HTR4: variants seen among roughly 807,000 people sequenced by gnomAD.
HTR4 encodes the protein 5-hydroxytryptamine (serotonin) receptor 4, G protein-coupled.
In HTR4, 16 loss-of-function variants were observed where a neutral mutation model predicts 36.8. The ratio of observed to expected loss-of-function variants is 0.43; its 90% confidence interval spans 0.29 to 0.66. HTR4 has a LOEUF of 0.66. HTR4 is among the 30% of genes least tolerant of loss of function. The pLI is 0.13. For missense variants in HTR4, 438 were observed against 490.9 expected (o/e 0.89, Z 1.02); for synonymous variants, 189 against 185.1 (o/e 1.02, Z -0.17).
chr5:148,529,726 T>C lies in HTR4; in HGVS notation c.354-6380A>G, dbSNP rs1238651393. Among the ~76,000 whole-genome samples, 3 of 152,094 alleles carry C rather than the reference T, an allele frequency of 2.0e-5. No homozygotes were observed. The East Asian group carries it at 5.8e-4, about 29-fold the overall frequency. ...GAGTAACAGGCAGAGGTTGGAATAGTATGGAGGACTCAGAAGAAGACAGGA... is the reference window on the plus strand; with the variant it reads ...GAGTAACAGGCAGAGGTTGGAATAGCATGGAGGACTCAGAAGAAGACAGGA... On this transcript the variant is annotated intron_variant, in intron 4 of 6. Transcript: ENST00000377888.
intron 6 of HTR4, among the ~76,000 whole-genome samples, chr5:148,504,427 G>T (rs1386950734): frequency 1.3e-5 from 2 of 152,178 alleles, no homozygotes; most frequent in East Asian, 3.8e-4. Flanking sequence ...CAGAAATAAA[G>T]ATATTCTTTG....
intron 2 of HTR4, among the ~76,000 whole-genome samples, chr5:148,563,704 G>T (rs919054515): frequency 6.6e-6 from 1 of 152,092 alleles, no homozygotes; most frequent in African/African-American, 2.4e-5. Context: ...TCATTATTAC[G>T]TAAACAATAG....
At chr5:148,560,609 T>C (rs1368466858) in intron 2 of HTR4, among the ~76,000 whole-genome samples, 2 of 152,212 alleles carry the variant, frequency 1.3e-5, no homozygotes, top group Non-Finnish European at 2.9e-5. Context: ...ACTGAACACC[T>C]ACCATATGGC....
At chr5:148,461,881 A>G (rs1026415000) in intron 5 of HTR4, 39 of 152,208 alleles carry the variant, frequency 2.6e-4, no homozygotes, top group African/African-American at 8.9e-4. Context: ...ACCTTAACAA[A>G]TGTAAAAGAA....
intron 1 of HTR4, among the ~76,000 whole-genome samples, chr5:148,649,700 T>A (rs1159022248): frequency 4.6e-5 from 7 of 151,818 alleles, no homozygotes; most frequent in Admixed American, 3.9e-4. Flanking sequence ...TTTCTGAAAC[T>A]CAAAATAAGA....
intron 2 of HTR4, among the ~76,000 whole-genome samples, chr5:148,562,113 T>C (rs1372272412): frequency 6.6e-6 from 1 of 152,244 alleles, no homozygotes; most frequent in Non-Finnish European, 1.5e-5. Context: ...GAATCCAGCC[T>C]GCTGTCTGTT....
chr5:148,645,960 T>A (rs1430503139), intron 1 of HTR4: 1 of 152,248 alleles, frequency 6.6e-6, no homozygotes, highest in Non-Finnish European at 1.5e-5. Context: ...AGGTCTGGAA[T>A]TGGGAGCAGG....
intron 1 of HTR4, among the ~76,000 whole-genome samples, chr5:148,639,990 A>T (rs995180294): frequency 6.6e-6 from 1 of 151,964 alleles, no homozygotes; most frequent in African/African-American, 2.4e-5. Flanking sequence ...TCCTCCTCCA[A>T]CCTTTGAGTC....
At chr5:148,495,710 G>A (rs945480780) in intron 6 of HTR4, among the ~76,000 whole-genome samples, 1 of 152,212 alleles carries the variant, frequency 6.6e-6, no homozygotes, top group Admixed American at 6.5e-5. Flanking sequence ...TCCAAGTGGG[G>A]AGAGAGGCTT....
chr5:148,608,230 G>A (rs191795649), intron 2 of HTR4, among the ~76,000 whole-genome samples: 1 of 152,272 alleles, frequency 6.6e-6, no homozygotes, highest in East Asian at 1.9e-4. Flanking sequence ...AAGAAACTGG[G>A]TAAAATAAGC....
At chr5:148,452,858 C>T (rs755412267) in intron 5 of HTR4, among the ~76,000 whole-genome samples, 5 of 152,126 alleles carry the variant, frequency 3.3e-5, no homozygotes, top group Admixed American at 1.3e-4. Context: ...CTAGGGTGGC[C>T]AGGAAATGTC....
chr5:148,524,333 G>C (rs13174741), intron 4 of HTR4, among the ~76,000 whole-genome samples: 2 of 152,100 alleles, frequency 1.3e-5, no homozygotes. Flanking sequence ...CTGTTTCTGG[G>C]ATACTAAGAA....
At chr5:148,479,694 T>G (rs977712278), downstream of HTR4, among the ~76,000 whole-genome samples, 2 of 152,152 alleles carry the variant, frequency 1.3e-5, no homozygotes, top group Non-Finnish European at 2.9e-5. Flanking sequence ...AAATAAATCA[T>G]AGCTATAACT....
intron 2 of HTR4, among the ~76,000 whole-genome samples, chr5:148,610,575 GAA>G (rs1394449889): frequency 1.3e-5 from 2 of 151,918 alleles, no homozygotes; most frequent in African/African-American, 4.8e-5. Flanking sequence ...CAAAGATGGG[GAA>G]AAAACAGAAC....
intron 1 of HTR4, 89 bp from the exon 2 acceptor site, chr5:148,637,150 C>T (rs889881290): frequency 1.2e-5 from 10 of 809,870 alleles, no homozygotes; most frequent in Non-Finnish European, 1.8e-5. Context: ...ATAACTATTG[C>T]TTCCTATTAT....
chr5:148,461,550 A>G (rs905989561), intron 5 of HTR4, among the ~76,000 whole-genome samples: 1 of 152,054 alleles, frequency 6.6e-6, no homozygotes, highest in African/African-American at 2.4e-5. Flanking sequence ...TAAAGGTGTC[A>G]GTTCTCCAAG....
chr5:148,622,095 C>T (rs1315221739), intron 2 of HTR4, among the ~76,000 whole-genome samples: 2 of 152,178 alleles, frequency 1.3e-5, no homozygotes, highest in Non-Finnish European at 2.9e-5. Context: ...ACCCCAGTGG[C>T]TTCAGGATCA....
At chr5:148,583,963 A>G (rs560983318) in intron 2 of HTR4, among the ~76,000 whole-genome samples, 121 of 152,262 alleles carry the variant, frequency 7.9e-4, no homozygotes, top group African/African-American at 2.8e-3. Context: ...AGCCCTTTTA[A>G]CATTTACATT....
intron 5 of HTR4, 126 bp from the exon 6 acceptor site, chr5:148,510,150 T>A: frequency 6.6e-6 from 4 of 603,732 alleles, no homozygotes; most frequent in South Asian, 4.7e-5. Context: ...AAGTGGAGGA[T>A]TGGAAGATAA....
Sources: allele counts gnomAD v4.1 joint callset (sites outside exome capture counted in the v4.1 genomes callset), GRCh38; gene constraint gnomAD v4.1.1; transcripts MANE v1.5; gene names NCBI Gene and HGNC (gene_info 2026-07-23, HGNC 2026-07-21).